The following POM121C variants were observed in gnomAD, a reference collection of about 807,000 sequenced individuals.
POM121C encodes the protein POM121 transmembrane nucleoporin C.
A neutral mutation model predicts 66.4 loss-of-function variants in POM121C; 20 were observed. That is an observed-to-expected ratio of 0.30 (90% CI 0.21 to 0.44). POM121C has a LOEUF of 0.44. Ranked by LOEUF, POM121C falls within the 20% of genes least tolerant of loss-of-function variation. POM121C has a pLI of 1.00. For missense variants in POM121C, 580 were observed against 1,225.7 expected, an observed-to-expected ratio of 0.47 and a Z score of 7.87; for synonymous variants, 286 against 528.0, an observed-to-expected ratio of 0.54 and a Z score of 6.28.
intron 7 of POM121C, among the ~76,000 whole-genome samples, chr7:75,437,290 C>T (rs236673): frequency 0.013 from 1,995 of 152,258 alleles, 23 homozygotes; most frequent in Non-Finnish European, 0.016. Flanking sequence ...TAAACTTTTG[C>T]TAACCAATTA....
chr7:75,420,417 C>T (rs1237496206), intron 13 of POM121C: 3 of 152,034 alleles, frequency 2.0e-5, no homozygotes, highest in African/African-American at 4.8e-5. Context: ...TCTCCACAGC[C>T]GGGTGGCACC....
intron 3 of POM121C, among the ~76,000 whole-genome samples, chr7:75,469,965 G>C (rs193064202): frequency 9.9e-5 from 15 of 152,228 alleles, no homozygotes; most frequent in African/African-American, 3.1e-4. Flanking sequence ...ATTTTATTTG[G>C]TTTATTATTG....
At chr7:75,485,187 A>G (rs7783549) in intron 1 of POM121C, among the ~76,000 whole-genome samples, 2 of 152,188 alleles carry the variant, frequency 1.3e-5, no homozygotes, top group African/African-American at 2.4e-5. Context: ...AAATAAAATA[A>G]GCCATAGGAA....
intron 6 of POM121C, 130 bp from the exon 7 acceptor site, chr7:75,437,816 A>C (rs1287239132): frequency 1.2e-5 from 16 of 1,356,542 alleles, no homozygotes; most frequent in East Asian, 7.7e-5. Context: ...TACTGCTAAC[A>C]ATCTGGCCAA....
rs1128184 is a variant in POM121C, at chr7:75,419,328, C to G, written c.2858G>C (p.Gly953Ala). Residue 953 changes from glycine (G) to alanine (A), a missense_variant, in exon 14 of 15, where the codon GGA (glycine) becomes GCA (alanine). Transcript: ENST00000615331. ...GGTGGCTTGCTGCTTACCGAACGGT[C>G]CAACACCAACAAAGCCTTGGGCGGG... ...SAPAQGFVGVGPFGSAAPSFS... is the reference protein window; with the variant it reads ...SAPAQGFVGVAPFGSAAPSFS... 37 of 1,612,812 alleles carry G rather than the reference C, an allele frequency of 2.3e-5. No homozygotes were observed. Among genetic ancestry groups the G allele is most frequent in the Middle Eastern group, 3.3e-4 (2 of 6,072 alleles).
chr7:75,477,108 T>TACACACACAC (rs782006486), intron 1 of POM121C, among the ~76,000 whole-genome samples: 9 of 37,168 alleles, frequency 2.4e-4, no homozygotes, highest in South Asian at 1.4e-3. Flanking sequence ...AGTTTGCGTG[T>TACACACACAC]ATACACACAC....
chr7:75,483,082 T>A (rs587734822), intron 1 of POM121C, among the ~76,000 whole-genome samples: 1 of 152,036 alleles, frequency 6.6e-6, no homozygotes, highest in Non-Finnish European at 1.5e-5. Context: ...ATTCCCCCCA[T>A]GATCTAGGAC....
At chr7:75,485,671 T>C (rs1200350803) in intron 1 of POM121C, among the ~76,000 whole-genome samples, 193 bp downstream of exon 1, 9 of 152,212 alleles carry the variant, frequency 5.9e-5, no homozygotes, top group African/African-American at 1.2e-4. Context: ...CCTCCACGCC[T>C]CCGTAAGCCT....
At chr7:75,418,995 G>A (rs1789582215) in intron 14 of POM121C, 102 bp from the exon 15 acceptor site, 3 of 1,470,880 alleles carry the variant, frequency 2.0e-6, no homozygotes, top group South Asian at 1.4e-5. Flanking sequence ...AAAACACAGG[G>A]TGCCTCAATA....
intron 3 of POM121C, among the ~76,000 whole-genome samples, chr7:75,448,439 A>G (rs1790904773): frequency 1.4e-5 from 2 of 142,806 alleles, no homozygotes; most frequent in African/African-American, 5.2e-5. Context: ...AATATAATTG[A>G]GGACTGATAT....
At position 75,482,950 on chromosome 7, in the gene POM121C, C is replaced by T. The variant is rs142522975; in HGVS notation, c.-458+2914G>A. On this transcript the variant is annotated intron_variant, in intron 1 of 14. Transcript: ENST00000615331. ...AAGTGAAAAGGACAAAACGAAAACA[C>T]GGAGAAGTGAAATGAGAAACAGAAA... Among the ~76,000 whole-genome samples, 185 of 152,258 alleles carry T rather than the reference C, an allele frequency of 1.2e-3. 1 individual carries two copies. Among genetic ancestry groups the T allele is most frequent in the African/African-American group, 4.1e-3 (170 of 41,538 alleles).
At chr7:75,477,160 G>A (rs1451084533) in intron 1 of POM121C, among the ~76,000 whole-genome samples, 2 of 144,428 alleles carry the variant, frequency 1.4e-5, no homozygotes, top group South Asian at 2.2e-4. Context: ...TTCTCGGTCC[G>A]AAAGTCAGGA....
chr7:75,456,695 C>T (rs1296413390), intron 3 of POM121C, among the ~76,000 whole-genome samples: 60 of 152,348 alleles, frequency 3.9e-4, no homozygotes, highest in African/African-American at 1.3e-3. Context: ...TTTCATCACA[C>T]GGAAGCAAAA....
intron 3 of POM121C, among the ~76,000 whole-genome samples, chr7:75,453,269 A>G (rs1424973319): frequency 6.8e-6 from 1 of 146,446 alleles, no homozygotes; most frequent in African/African-American, 2.5e-5. Context: ...TATCTCTACA[A>G]AAAGTTAAAA....
intron 3 of POM121C, among the ~76,000 whole-genome samples, chr7:75,448,184 C>T (rs1790892876): frequency 6.6e-6 from 1 of 152,110 alleles, no homozygotes; most frequent in South Asian, 2.1e-4. Context: ...CTCCAGTGAG[C>T]CATAATTGTG....
At chr7:75,476,137 A>T (rs2116532631) in intron 1 of POM121C, among the ~76,000 whole-genome samples, 1 of 152,254 alleles carries the variant, frequency 6.6e-6, no homozygotes, top group East Asian at 1.9e-4. Context: ...AATTTTTTTA[A>T]AAAATTGGCT....
chr7:75,469,966 T>C (rs1204202025), intron 3 of POM121C, among the ~76,000 whole-genome samples: 1 of 152,206 alleles, frequency 6.6e-6, no homozygotes, highest in Admixed American at 6.5e-5. Flanking sequence ...TTTTATTTGG[T>C]TTATTATTGT....
chr7:75,454,272 A>T (rs1253947647), intron 3 of POM121C, among the ~76,000 whole-genome samples: 4 of 152,214 alleles, frequency 2.6e-5, no homozygotes, highest in African/African-American at 4.8e-5. Context: ...CTGAGGGGTC[A>T]GTCAGCAAAG....
rs782004307 is a variant in POM121C, at chr7:75,433,234, CAAAAA to C, written c.480+4276_480+4280del. On this transcript the variant is annotated intron_variant, in intron 7 of 14. Transcript: ENST00000615331. ...CCAGCGACAGTGTGAGACTCTGTCT[CAAAAA>C]AAAAAAAAAAAAAAAAAAAAAGAAT... Among the ~76,000 whole-genome samples the C allele has an allele frequency of 1.1e-4, 5 of 44,254 alleles. No homozygotes were observed. In the South Asian group the frequency reaches 5.2e-3, roughly 46 times the overall value. The allele number at this position is 44,254 out of a possible 152,430, so 29.0% of individuals were successfully genotyped here. A position where few individuals can be genotyped will look rare whatever the true frequency, so the allele number is the denominator to read the frequency against.
Sources: gnomAD v4.1 joint callset for allele counts (sites outside exome capture counted in the v4.1 genomes callset) on GRCh38, gnomAD v4.1.1 for gene constraint, MANE v1.5 for transcripts, NCBI Gene and HGNC (gene_info 2026-07-23, HGNC 2026-07-21) for gene names.